AFAP1L2: variants seen among roughly 807,000 people sequenced by gnomAD.
AFAP1L2 encodes the protein actin filament-associated protein 1-like 2.
A neutral mutation model predicts 99.3 loss-of-function variants in AFAP1L2; 46 were observed. The observed-to-expected ratio is 0.46, with a 90% CI of 0.37 to 0.59. The LOEUF is 0.59. AFAP1L2 is among the 20% of genes least tolerant of loss of function. The probability of loss-of-function intolerance (pLI) is 0.00; values close to 1 mark genes in which losing one functional copy is unlikely to be tolerated. For synonymous variants in AFAP1L2, 397 were observed against 419.1 expected (o/e 0.95, Z 0.64); for missense variants, 959 against 1,034.9 (o/e 0.93, Z 1.01).
rs1267945589 is a variant in AFAP1L2, at chr10:114,404,497, T to A, written c.-42A>T. On this transcript the variant is annotated 5_prime_UTR_variant, in exon 1 of 19. Transcript: ENST00000304129. ...GCTCCTCGCGGCTCGGCTTCTGCGCTGCTCTCCCGGCGCTCGGCTCAGCGC... is the reference window on the plus strand; with the variant it reads ...GCTCCTCGCGGCTCGGCTTCTGCGCAGCTCTCCCGGCGCTCGGCTCAGCGC... The A allele has an allele frequency of 2.6e-6, 4 of 1,526,424 alleles. No homozygotes were observed. The East Asian group carries it at 7.7e-5, about 29-fold the overall frequency. The allele number at this position is 1,526,424 out of a possible 1,614,324, so 94.6% of individuals were successfully genotyped here. A position where few individuals can be genotyped will look rare whatever the true frequency, so the allele number is the denominator to read the frequency against.
intron 5 of AFAP1L2, among the ~76,000 whole-genome samples, chr10:114,318,093 A>C (rs1046529088): frequency 6.6e-6 from 1 of 152,264 alleles, no homozygotes; most frequent in Non-Finnish European, 1.5e-5. Context: ...ACAGATCAGC[A>C]CTGCAAGCAA....
At chr10:114,285,192 C>A in the AFAP1L2 span, among the ~76,000 whole-genome samples, 14,872 of 152,184 alleles carry the variant, frequency 0.098, 894 homozygotes, top group East Asian at 0.25. Context: ...TGGCTCCCAG[C>A]TTATTAGCTG....
chr10:114,325,034 A>C (rs950156734), intron 4 of AFAP1L2, among the ~76,000 whole-genome samples: 2 of 152,304 alleles, frequency 1.3e-5, no homozygotes, highest in African/African-American at 4.8e-5. Context: ...GGGTCCCCAG[A>C]GCCCAGTCCT....
chr10:114,289,583 C>A, the AFAP1L2 span: 1 of 1,441,884 alleles, frequency 6.9e-7, no homozygotes, highest in East Asian at 2.3e-5. Context: ...GCAGCTCTTC[C>A]CAGCTACTGA....
chr10:114,321,678 G>A lies in AFAP1L2; in HGVS notation c.406+1493C>T, dbSNP rs115807474. The stretch of plus-strand genomic sequence containing the variant: ...CCTACAAAGGAAGGAAAGAGAAGGA[G>A]GACAGAAGGGGAGGACCACAGTCCA... On this transcript the variant is annotated intron_variant, in intron 5 of 18. Transcript: ENST00000304129. Among the ~76,000 whole-genome samples, 261 of 152,300 alleles carry A rather than the reference G, an allele frequency of 1.7e-3. 1 individual carries two copies. Among genetic ancestry groups the A allele is most frequent in the African/African-American group, 6.0e-3 (249 of 41,558 alleles).
chr10:114,326,343 C>T (rs1161753059), intron 4 of AFAP1L2, among the ~76,000 whole-genome samples: 1 of 152,228 alleles, frequency 6.6e-6, no homozygotes, highest in Non-Finnish European at 1.5e-5. Context: ...GCTGCCTCAT[C>T]CATTGTCTTC....
chr10:114,359,524 T>C (rs750533904), intron 1 of AFAP1L2, among the ~76,000 whole-genome samples: 10 of 152,210 alleles, frequency 6.6e-5, no homozygotes, highest in Non-Finnish European at 1.2e-4. Flanking sequence ...ATGGATCAAC[T>C]TTCCCCGCAC....
chr10:114,382,204 T>C (rs1162708452), intron 1 of AFAP1L2, among the ~76,000 whole-genome samples: 2 of 152,210 alleles, frequency 1.3e-5, no homozygotes, highest in African/African-American at 4.8e-5. Flanking sequence ...TGAAATAACC[T>C]ACATGCAAGG....
At chr10:114,323,386 G>C (rs2045700050) in intron 4 of AFAP1L2, 125 bp from the exon 5 acceptor site, 1 of 753,020 alleles carries the variant, frequency 1.3e-6, no homozygotes, top group African/African-American at 1.7e-5. Flanking sequence ...CTTTAAGCAA[G>C]TTGGGAGGGA....
chr10:114,342,703 C>A (rs2048986985), intron 1 of AFAP1L2, among the ~76,000 whole-genome samples: 1 of 152,230 alleles, frequency 6.6e-6, no homozygotes, highest in African/African-American at 2.4e-5. Flanking sequence ...GAAGTAGATT[C>A]TTTCCTAGAG....
chr10:114,311,183 G>C (rs1483418639), intron 7 of AFAP1L2, among the ~76,000 whole-genome samples: 1 of 152,202 alleles, frequency 6.6e-6, no homozygotes, highest in Non-Finnish European at 1.5e-5. Context: ...GGTTTGGGCA[G>C]TCAGAGGAAC....
intron 1 of AFAP1L2, among the ~76,000 whole-genome samples, chr10:114,371,804 T>C (rs2054144298): frequency 8.5e-6 from 1 of 117,302 alleles, no homozygotes; most frequent in Non-Finnish European, 1.6e-5. Context: ...GGACTTAAAG[T>C]ACAATTATAA....
chr10:114,281,413 C>T, the AFAP1L2 span, among the ~76,000 whole-genome samples: 1 of 152,334 alleles, frequency 6.6e-6, no homozygotes, highest in Non-Finnish European at 1.5e-5. Context: ...GATCCCAGCT[C>T]TGCTGTGTTC....
chr10:114,310,589 A>C, intron 7 of AFAP1L2, 146 bp from the exon 8 acceptor site: 3 of 683,956 alleles, frequency 4.4e-6, no homozygotes, highest in South Asian at 2.2e-5. Flanking sequence ...GACCCACCCG[A>C]CCCCAGCCCC....
At chr10:114,404,721 C>T (rs575593412), upstream of AFAP1L2, 1,257 of 358,060 alleles carry the variant, frequency 3.5e-3, 7 homozygotes, top group Non-Finnish European at 4.5e-3. Flanking sequence ...GGTGCGCGCC[C>T]GCGGCCCCGC....
At chr10:114,317,834 T>C (rs2044381252) in intron 5 of AFAP1L2, among the ~76,000 whole-genome samples, 1 of 152,170 alleles carries the variant, frequency 6.6e-6, no homozygotes, top group African/African-American at 2.4e-5. Context: ...CACTCCAGCC[T>C]GCGCAACAGA....
intron 5 of AFAP1L2, chr10:114,319,560 A>T: frequency 3.9e-6 from 5 of 1,289,552 alleles, no homozygotes; most frequent in Non-Finnish European, 5.1e-6. Flanking sequence ...AGTAAGCAGT[A>T]CCCAAGGTGA....
At chr10:114,303,419 T>C (rs139227544) in intron 11 of AFAP1L2, among the ~76,000 whole-genome samples, 1 of 152,198 alleles carries the variant, frequency 6.6e-6, no homozygotes, top group Non-Finnish European at 1.5e-5. Flanking sequence ...GCAATTCTCC[T>C]GTGTCAGCCT....
At chr10:114,350,806 C>T (rs1442313424) in intron 1 of AFAP1L2, among the ~76,000 whole-genome samples, 5 of 152,148 alleles carry the variant, frequency 3.3e-5, no homozygotes, top group Non-Finnish European at 5.9e-5. Flanking sequence ...GAAAGAAACC[C>T]GACCCCTGAG....
Sources: allele counts gnomAD v4.1 joint callset (sites outside exome capture counted in the v4.1 genomes callset), GRCh38; gene constraint gnomAD v4.1.1; transcripts MANE v1.5; gene names NCBI Gene and HGNC (gene_info 2026-07-23, HGNC 2026-07-21).